LYST: variants seen among roughly 807,000 people sequenced by gnomAD.
LYST encodes lysosomal-trafficking regulator.
LYST carries 192 observed loss-of-function variants against 413.6 expected under a neutral mutation model. That is an observed-to-expected ratio of 0.46 (90% CI 0.41 to 0.52). The LOEUF is 0.52. Among genes scored for constraint, LYST ranks in the 20% least tolerant of loss-of-function variants. The pLI, the probability that LYST is intolerant of heterozygous loss-of-function variation, is 0.00. For missense variants in LYST, 3,815 were observed against 4,499.9 expected, an observed-to-expected ratio of 0.85 and a Z score of 4.35; for synonymous variants, 1,525 against 1,567.3, an observed-to-expected ratio of 0.97 and a Z score of 0.64.
Position 235,788,704 on chromosome 1 carries a change from A to G in LYST, c.4685T>C (p.Phe1562Ser), listed in dbSNP as rs1670684476. ...GGAGGCTGAGGATAATCAATACCGA[A>G]AGATAAGAGTGGCATTGTGGGGATC... The part of the protein sequence containing the change: ...WADPHNATLI[F>S]RVCMDSNDDM... The change falls in exon 13 of 53, where the codon TTT becomes TCT. Residue 1562 changes from phenylalanine (F) to serine (S), a missense_variant. By Grantham distance (155) the Phe-to-Ser change is radical (BLOSUM62 -2). Coordinates refer to ENST00000389793, the MANE Select transcript of LYST (RefSeq NM_000081.4). The G allele has an allele frequency of 6.2e-7, 1 of 1,613,682 alleles. No homozygotes were observed. Among genetic ancestry groups the G allele is most frequent in the Non-Finnish European group, 8.5e-7 (1 of 1,179,696 alleles).
At chr1:235,701,969 G>A (rs1661586886) in intron 45 of LYST, among the ~76,000 whole-genome samples, 1 of 152,132 alleles carries the variant, frequency 6.6e-6, no homozygotes, top group Non-Finnish European at 1.5e-5. Context: ...GTGTAGGTGT[G>A]TAAAAACCTT....
intron 50 of LYST, 46 bp downstream of exon 50, chr1:235,677,045 G>A (rs373305377): frequency 5.6e-6 from 8 of 1,418,230 alleles, no homozygotes; most frequent in Non-Finnish European, 8.0e-6. Context: ...CGAATGCGCT[G>A]TTAGAGCACC....
At chr1:235,788,061 ATC>A (rs1670614117) in intron 13 of LYST, among the ~76,000 whole-genome samples, 1 of 152,202 alleles carries the variant, frequency 6.6e-6, no homozygotes, top group African/African-American at 2.4e-5. Context: ...GACCATTACA[ATC>A]TGATAGAATA....
chr1:235,665,185 G>A (rs1222340981), intron 50 of LYST, among the ~76,000 whole-genome samples: 5 of 152,116 alleles, frequency 3.3e-5, no homozygotes, highest in African/African-American at 1.2e-4. Flanking sequence ...CAGTAACAAG[G>A]TAAAATAATC....
intron 1 of LYST, among the ~76,000 whole-genome samples, chr1:235,844,442 G>A (rs1264517845): frequency 1.3e-5 from 2 of 152,160 alleles, no homozygotes; most frequent in Non-Finnish European, 2.9e-5. Flanking sequence ...TCACAGAAAT[G>A]ATTAGTCACT....
intron 38 of LYST, among the ~76,000 whole-genome samples, 176 bp from the exon 39 acceptor site, chr1:235,724,356 T>C (rs1180966183): frequency 6.6e-6 from 1 of 152,126 alleles, no homozygotes; most frequent in Non-Finnish European, 1.5e-5. Context: ...TGATAAAATT[T>C]AGAAATAAAA....
intron 30 of LYST, among the ~76,000 whole-genome samples, chr1:235,742,597 C>T (rs950431783): frequency 6.7e-6 from 1 of 150,246 alleles, no homozygotes; most frequent in Non-Finnish European, 1.5e-5. Flanking sequence ...TATCTTACCA[C>T]AGTTTAAAAG....
At position 235,759,382 on chromosome 1, in the gene LYST, T is replaced by C. The variant is rs1667356082; in HGVS notation, c.6471A>G (p.Lys2157=). ...TGATGAATGCGTCCTCTTTGCCTTT[T>C]TTCAGTGTGTCGGAACTCCCCAAAG... is the stretch of plus-strand genomic sequence containing the variant. ...QNSLGSSDTL[K]KGKEDAFISS... The change falls in exon 23 of 53, where the codon AAA becomes AAG. Residue 2157 remains lysine, a synonymous_variant. Transcript: ENST00000389793. The C allele has an allele frequency of 6.2e-7, 1 of 1,614,214 alleles. No homozygotes were observed.
chr1:235,781,963 C>T lies in LYST; in HGVS notation c.4987G>A (p.Gly1663Arg), dbSNP rs1206160410. 1 of 1,613,848 alleles carries T rather than the reference C, an allele frequency of 6.2e-7. No homozygotes were observed. Among genetic ancestry groups the T allele is most frequent in the Non-Finnish European group, 8.5e-7 (1 of 1,179,810 alleles). The change falls in exon 15 of 53, where the codon GGA becomes AGA. Residue 1663 changes from glycine to arginine, a missense_variant. Gly to Arg is a moderately radical substitution (Grantham distance 125, BLOSUM62 -2). Coordinates refer to ENST00000389793, the MANE Select transcript of LYST (RefSeq NM_000081.4). ...AGCAAATTTCCCAGGTCCCATTTTCCAGCCAACTGCAAAAACTCTTCTTGG... is the reference window on the plus strand; with the variant it reads ...AGCAAATTTCCCAGGTCCCATTTTCTAGCCAACTGCAAAAACTCTTCTTGG... ...SSQEEFLQLA[G>R]KWDLGNLLLF...
intron 6 of LYST, among the ~76,000 whole-genome samples, 159 bp downstream of exon 6, chr1:235,805,584 C>T (rs938538130): frequency 6.7e-6 from 1 of 148,304 alleles, no homozygotes; most frequent in Non-Finnish European, 1.5e-5. Context: ...ATAATATATA[C>T]ACATATATAA....
intron 6 of LYST, among the ~76,000 whole-genome samples, chr1:235,804,929 C>T (rs1314506538): frequency 2.0e-5 from 3 of 152,080 alleles, no homozygotes; most frequent in East Asian, 3.9e-4. Flanking sequence ...TGAAGCTAAG[C>T]GAAGAAGTCA....
intron 44 of LYST, among the ~76,000 whole-genome samples, chr1:235,708,094 T>A (rs1453683480): frequency 6.6e-6 from 1 of 152,126 alleles, no homozygotes; most frequent in African/African-American, 2.4e-5. Context: ...TGATACCCAA[T>A]GACTTGAATA....
chr1:235,695,285 T>G (rs1660998845), intron 46 of LYST, among the ~76,000 whole-genome samples: 1 of 152,248 alleles, frequency 6.6e-6, no homozygotes, highest in South Asian at 2.1e-4. Context: ...AAGCCAGGAT[T>G]TGCAAAGCAC....
chr1:235,828,535 G>T (rs1433952249), intron 3 of LYST: 3 of 157,118 alleles, frequency 1.9e-5, no homozygotes, highest in Admixed American at 6.5e-5. Flanking sequence ...TTATAATATT[G>T]ATTCTTTCAA....
intron 3 of LYST, among the ~76,000 whole-genome samples, chr1:235,822,834 G>A (rs1674908042): frequency 6.6e-6 from 1 of 152,196 alleles, no homozygotes; most frequent in South Asian, 2.1e-4. Context: ...CTCTTGGAAT[G>A]TTTCCACTAT....
upstream of LYST, among the ~76,000 whole-genome samples, chr1:235,868,837 A>G (rs1680785875): frequency 6.6e-6 from 1 of 152,090 alleles, no homozygotes; most frequent in Non-Finnish European, 1.5e-5. Context: ...CTGGGATTAC[A>G]GGAATGTGCT....
intron 3 of LYST, chr1:235,828,796 G>A (rs1675614602): frequency 1.3e-6 from 1 of 783,742 alleles, no homozygotes; most frequent in Non-Finnish European, 1.5e-6. Context: ...CACTATACAT[G>A]GTCTAACATG....
intron 1 of LYST, among the ~76,000 whole-genome samples, chr1:235,880,628 T>C (rs1277400750): frequency 6.6e-6 from 1 of 152,092 alleles, no homozygotes; most frequent in Non-Finnish European, 1.5e-5. Context: ...ACCAAGAGTA[T>C]TTTTTCTATT....
intron 25 of LYST, among the ~76,000 whole-genome samples, chr1:235,754,229 C>CTTTTTTTTTTTT (rs71576486): frequency 1.6e-4 from 14 of 86,566 alleles, no homozygotes; most frequent in Admixed American, 2.6e-4. Context: ...CTTTTCTTTT[C>CTTTTTTTTTTTT]TTTTTTTTTT....
Sources: allele counts gnomAD v4.1 joint callset (sites outside exome capture counted in the v4.1 genomes callset), GRCh38; gene constraint gnomAD v4.1.1; transcripts MANE v1.5; gene names NCBI Gene and HGNC (gene_info 2026-07-23, HGNC 2026-07-21).